RECK: variants seen among roughly 807,000 people sequenced by gnomAD.
RECK encodes reversion-inducing cysteine-rich protein with Kazal motifs.
A neutral mutation model predicts 115.1 loss-of-function variants in RECK; 69 were observed. That is an observed-to-expected ratio of 0.60 (90% CI 0.49 to 0.73). The LOEUF (loss-of-function observed/expected upper bound fraction) is 0.73, where lower values mean the gene tolerates loss of function less well. Among genes scored for constraint, RECK ranks in the 30% least tolerant of loss-of-function variants. The probability of loss-of-function intolerance (pLI) is 0.00; values close to 1 mark genes in which losing one functional copy is unlikely to be tolerated. For missense variants in RECK, 1,047 were observed against 1,203.7 expected (o/e 0.87, Z 1.93); for synonymous variants, 414 against 419.7 (o/e 0.99, Z 0.17).
chr9:36,106,973 G>T (rs953990640), intron 13 of RECK, among the ~76,000 whole-genome samples: 1 of 151,842 alleles, frequency 6.6e-6, no homozygotes, highest in Non-Finnish European at 1.5e-5. Flanking sequence ...GGGCATGGTG[G>T]TGGGCACCTG....
intron 4 of RECK, 93 bp downstream of exon 4, chr9:36,060,248 A>G (rs549884190): frequency 7.9e-7 from 1 of 1,272,228 alleles, no homozygotes; most frequent in East Asian, 2.3e-5. Flanking sequence ...CCTAATTTAT[A>G]CTCTGGAGTT....
At chr9:36,041,312 A>G (rs148714409) in intron 1 of RECK, among the ~76,000 whole-genome samples, 53 of 152,342 alleles carry the variant, frequency 3.5e-4, no homozygotes, top group Admixed American at 1.5e-3. Context: ...GAACAAGACT[A>G]TAAGTGGAGT....
At chr9:36,061,356 T>C (rs1330648630) in intron 4 of RECK, among the ~76,000 whole-genome samples, 1 of 150,016 alleles carries the variant, frequency 6.7e-6, no homozygotes, top group Non-Finnish European at 1.5e-5. Context: ...CTCCTAGTTA[T>C]GCTTGTACCC....
rs1229304067 is a variant in RECK, at chr9:36,112,413, T to C, written c.1997T>C (p.Phe666Ser). Residue 666 changes from phenylalanine (F) to serine (S), a missense_variant, in exon 16 of 21, where the codon TTT becomes TCT. Coordinates refer to ENST00000377966, the MANE Select transcript of RECK (RefSeq NM_021111.3). ...ARCVGLQDHQ[F>S]EFGSCMSKDP... Reference sequence around the variant, plus strand: ...TGTGTGGGCCTCCAAGACCATCAGTTTGAGTTTGGATCATGCATGTCAAAG... The same window carrying C: ...TGTGTGGGCCTCCAAGACCATCAGTCTGAGTTTGGATCATGCATGTCAAAG... 4 of 1,613,976 alleles carry C rather than the reference T, an allele frequency of 2.5e-6. No individual in the cohort carries two copies. The highest frequency in any genetic ancestry group is 2.7e-5 in the African/African-American group (2 of 74,924).
intron 10 of RECK, among the ~76,000 whole-genome samples, chr9:36,095,288 A>G (rs2132643060): frequency 6.6e-6 from 1 of 152,342 alleles, no homozygotes; most frequent in South Asian, 2.1e-4. Context: ...AACTAACACA[A>G]GAAGAAGTAC....
chr9:36,118,652 G>T (rs1383014774), intron 17 of RECK, 105 bp from the exon 18 acceptor site: 3 of 1,074,956 alleles, frequency 2.8e-6, no homozygotes, highest in Non-Finnish European at 4.0e-6. Context: ...ATTTATACCT[G>T]TGTCTTTTTT....
At chr9:36,088,387 G>A (rs950081438) in intron 9 of RECK, among the ~76,000 whole-genome samples, 1 of 152,154 alleles carries the variant, frequency 6.6e-6, no homozygotes, top group Non-Finnish European at 1.5e-5. Context: ...ACCAGAGTTA[G>A]GTGGTAGCAT....
chr9:36,049,443 T>G (rs896693979), intron 1 of RECK, among the ~76,000 whole-genome samples: 10 of 152,026 alleles, frequency 6.6e-5, no homozygotes, highest in Non-Finnish European at 1.3e-4. Flanking sequence ...TTGGCTTCCC[T>G]GGGCCACACT....
chr9:36,118,957 C>T lies in RECK; in HGVS notation c.2454C>T (p.Ile818=), dbSNP rs369729608. ...TCTTGGCAGCTGGATGCAAACCCAT[C>T]ATCCCACCGGGTAGGCTGGCAGTAT... ...PSLLAAGCKP[I]IPPGACCPLC... The change falls in exon 18 of 21, where the codon ATC becomes ATT. Residue 818 remains isoleucine (I), a synonymous_variant. Transcript: ENST00000377966. 1.2e-6 allele frequency: 2 copies of T among 1,612,330 alleles called. No individual in the cohort carries two copies. The highest frequency in any genetic ancestry group is 4.5e-5 in the East Asian group (2 of 44,874).
At chr9:36,091,380 T>C (rs746312531) in intron 10 of RECK, 37 bp downstream of exon 10, 1 of 1,331,566 alleles carries the variant, frequency 7.5e-7, no homozygotes. Flanking sequence ...GGAAATATTT[T>C]ATCATTAATT....
chr9:36,063,666 C>A (rs1049454977), intron 4 of RECK, 129 bp from the exon 5 acceptor site: 3 of 703,076 alleles, frequency 4.3e-6, no homozygotes, highest in Non-Finnish European at 7.3e-6. Context: ...AATTTTGAGG[C>A]CCTGCTGTCT....
chr9:36,108,974 GC>G (rs1459586324), intron 14 of RECK, among the ~76,000 whole-genome samples: 3 of 151,794 alleles, frequency 2.0e-5, no homozygotes, highest in African/African-American at 7.3e-5. Flanking sequence ...GCTTTTATAT[GC>G]TTTTTGGTTT....
intron 1 of RECK, among the ~76,000 whole-genome samples, chr9:36,051,755 AG>A (rs932450805): frequency 6.6e-6 from 1 of 152,114 alleles, no homozygotes; most frequent in African/African-American, 2.4e-5. Context: ...TATGCTGATG[AG>A]TTCCAAATTT....
chr9:36,039,476 C>A (rs544420053), intron 1 of RECK, among the ~76,000 whole-genome samples: 2 of 152,160 alleles, frequency 1.3e-5, no homozygotes, highest in African/African-American at 2.4e-5. Flanking sequence ...TATTGACCCC[C>A]TCTATTATAC....
intron 10 of RECK, among the ~76,000 whole-genome samples, chr9:36,097,041 A>C (rs1016124788): frequency 4.6e-5 from 7 of 152,176 alleles, no homozygotes; most frequent in Non-Finnish European, 7.3e-5. Context: ...TATGCAAAAA[A>C]GGCCAGGTGT....
chr9:36,052,161 A>ATAT (rs1483642816), intron 1 of RECK, 104 bp from the exon 2 acceptor site: 1 of 690,416 alleles, frequency 1.4e-6, no homozygotes, highest in African/African-American at 1.8e-5. Context: ...AATAATAATA[A>ATAT]TAATCATCAT....
intron 6 of RECK, among the ~76,000 whole-genome samples, chr9:36,066,403 C>T (rs529136877): frequency 4.6e-5 from 7 of 152,186 alleles, no homozygotes; most frequent in South Asian, 2.1e-4. Flanking sequence ...CATTGGGATT[C>T]CTATTGCTGT....
At chr9:36,070,445 G>C (rs1201674407) in intron 6 of RECK, among the ~76,000 whole-genome samples, 3 of 151,598 alleles carry the variant, frequency 2.0e-5, no homozygotes, top group Non-Finnish European at 4.4e-5. Context: ...AAAGAATAGA[G>C]AGCTGGGTTT....
rs373879756 is a variant in RECK at position 36,051,592 on chromosome 9, C to G, written c.101-673C>G. Among the ~76,000 whole-genome samples, 21 of 152,308 alleles carry G rather than the reference C, an allele frequency of 1.4e-4. No homozygotes were observed. In the East Asian group the frequency reaches 3.9e-3, roughly 28 times the overall value. On this transcript the variant is annotated intron_variant, in intron 1 of 20. Coordinates refer to ENST00000377966, the MANE Select transcript of RECK (RefSeq NM_021111.3). Reference sequence around the variant, plus strand: ...ACACTACTCCTCCTGTGATGCCACTCTCACGGTTAACCTGCCTTTCTGACT... The same window carrying G: ...ACACTACTCCTCCTGTGATGCCACTGTCACGGTTAACCTGCCTTTCTGACT...
Sources: gnomAD v4.1 joint callset for allele counts (sites outside exome capture counted in the v4.1 genomes callset) on GRCh38, gnomAD v4.1.1 for gene constraint, MANE v1.5 for transcripts, NCBI Gene and HGNC (gene_info 2026-07-23, HGNC 2026-07-21) for gene names.